The following ATP10B variants were observed in gnomAD, a reference collection of about 807,000 sequenced individuals.
The protein encoded by ATP10B is ATPase phospholipid transporting 10B (putative), also known as phospholipid-transporting ATPase VB.
Under a neutral mutation model 141.2 loss-of-function variants are expected in ATP10B, and 122 were observed. That is an observed-to-expected ratio of 0.86 (90% CI 0.75 to 1.00). ATP10B has a LOEUF of 1.00. Among genes scored for constraint, ATP10B ranks in the 50% least tolerant of loss-of-function variants. The probability of loss-of-function intolerance (pLI) is 0.00; values close to 1 mark genes in which losing one functional copy is unlikely to be tolerated. For missense variants in ATP10B, 1,876 were observed against 1,825.3 expected, an observed-to-expected ratio of 1.03 and a Z score of -0.51; for synonymous variants, 685 against 692.0, an observed-to-expected ratio of 0.99 and a Z score of 0.16.
At chr5:160,875,225 A>G in the ATP10B span, among the ~76,000 whole-genome samples, 1 of 84,214 alleles carries the variant, frequency 1.2e-5, no homozygotes, top group Non-Finnish European at 3.0e-5. Flanking sequence ...GTGGGGGCCA[A>G]TATTCAACAT....
chr5:160,699,223 G>T (rs1049618729), intron 3 of ATP10B, among the ~76,000 whole-genome samples: 1 of 152,328 alleles, frequency 6.6e-6, no homozygotes, highest in East Asian at 1.9e-4. Context: ...CAGGTAAAAT[G>T]AGATGCATAA....
intron 6 of ATP10B, chr5:160,684,950 T>C (rs1017139622): frequency 1.4e-6 from 1 of 703,374 alleles, no homozygotes. Context: ...ATTGGTATCA[T>C]GCTCACCTCA....
chr5:160,843,458 A>G (rs1775926519), intron 1 of ATP10B, among the ~76,000 whole-genome samples: 1 of 152,070 alleles, frequency 6.6e-6, no homozygotes, highest in Non-Finnish European at 1.5e-5. Context: ...GATGTCAACA[A>G]AGAGGAGTAT....
At chr5:160,612,098 A>G (rs1376403657) in intron 18 of ATP10B, 1 of 152,216 alleles carries the variant, frequency 6.6e-6, no homozygotes, top group East Asian at 1.9e-4. Context: ...TTCCAGTTGA[A>G]AAGTGCCATT....
rs75996749 is a variant in ATP10B, at chr5:160,588,532, A to C, written c.3750+1060T>G. On this transcript the variant is annotated intron_variant, in intron 24 of 25. Transcript: ENST00000327245. ...TGGCTAAGGACACATCTTTCTGTAA[A>C]GTGTTCCCTGTGTACCATTCAATCT... is the stretch of plus-strand genomic sequence containing the variant. 9.2e-3 allele frequency among the ~76,000 whole-genome samples: 1,396 copies of C among 152,296 alleles called. 21 individuals carry two copies. The highest frequency in any genetic ancestry group is 0.032 in the African/African-American group (1,337 of 41,552).
At chr5:160,751,993 C>CTATA (rs1768185180) in intron 2 of ATP10B, among the ~76,000 whole-genome samples, 1 of 152,104 alleles carries the variant, frequency 6.6e-6, no homozygotes, top group Admixed American at 6.5e-5. Context: ...CCCTAATTGG[C>CTATA]TATATGTGTA....
chr5:160,730,321 C>G (rs1460631628), intron 2 of ATP10B, among the ~76,000 whole-genome samples: 1 of 152,116 alleles, frequency 6.6e-6, no homozygotes, highest in Non-Finnish European at 1.5e-5. Context: ...TACCTGCTAC[C>G]TGCTGTCTCA....
At chr5:160,777,116 A>C (rs1475878181) in intron 2 of ATP10B, among the ~76,000 whole-genome samples, 25 of 152,216 alleles carry the variant, frequency 1.6e-4, no homozygotes, top group Non-Finnish European at 7.3e-5. Flanking sequence ...AATCCCAGTG[A>C]GGAAAGACGA....
chr5:160,653,077 G>A (rs7717997), intron 7 of ATP10B, among the ~76,000 whole-genome samples: 104,304 of 117,440 alleles, frequency 0.89, 46,461 homozygotes, highest in African/African-American at 0.96. Context: ...TGTATATATA[G>A]TGTATATATT....
At chr5:160,855,985 A>C (rs1753987923), upstream of ATP10B, among the ~76,000 whole-genome samples, 1 of 151,910 alleles carries the variant, frequency 6.6e-6, no homozygotes, top group African/African-American at 2.4e-5. Flanking sequence ...GACTATAATC[A>C]TATAAATCTT....
intron 1 of ATP10B, among the ~76,000 whole-genome samples, chr5:160,789,042 C>T (rs1225895356): frequency 1.3e-5 from 2 of 152,128 alleles, no homozygotes; most frequent in Non-Finnish European, 2.9e-5. Context: ...GAGAAGATAG[C>T]ATTTACATTT....
intron 2 of ATP10B, among the ~76,000 whole-genome samples, chr5:160,736,549 G>A (rs1767123741): frequency 6.6e-6 from 1 of 152,150 alleles, no homozygotes; most frequent in African/African-American, 2.4e-5. Context: ...GGATCATGAG[G>A]TCAGGAGTTC....
At chr5:160,748,435 A>G (rs567418657) in intron 2 of ATP10B, among the ~76,000 whole-genome samples, 3 of 152,292 alleles carry the variant, frequency 2.0e-5, no homozygotes, top group Admixed American at 6.5e-5. Context: ...GCATTTCCCA[A>G]TTAAAACCAA....
chr5:160,845,061 C>T (rs983408474), intron 1 of ATP10B, among the ~76,000 whole-genome samples: 1 of 152,090 alleles, frequency 6.6e-6, no homozygotes, highest in African/African-American at 2.4e-5. Flanking sequence ...TGCTTTTAAT[C>T]ACAGATACTC....
chr5:160,829,467 G>C (rs79927741), intron 1 of ATP10B, among the ~76,000 whole-genome samples: 3,636 of 152,114 alleles, frequency 0.024, 151 homozygotes, highest in African/African-American at 0.08. Context: ...TTTTAGAATA[G>C]TTTAGAATCG....
intron 12 of ATP10B, 103 bp downstream of exon 12, chr5:160,634,251 G>A: frequency 6.5e-7 from 1 of 1,535,756 alleles, no homozygotes; most frequent in Non-Finnish European, 9.0e-7. Flanking sequence ...ATGCCACACA[G>A]CCTCTAAGAG....
intron 1 of ATP10B, among the ~76,000 whole-genome samples, chr5:160,824,116 G>T (rs1329286763): frequency 1.3e-5 from 2 of 151,838 alleles, no homozygotes. Flanking sequence ...CCGCCTCCTG[G>T]GTTCACACCA....
At chr5:160,831,041 AT>A (rs1170945491) in intron 1 of ATP10B, among the ~76,000 whole-genome samples, 1 of 151,726 alleles carries the variant, frequency 6.6e-6, no homozygotes, top group East Asian at 1.9e-4. Flanking sequence ...AGACTTTGAA[AT>A]TGGGCAAGCT....
intron 2 of ATP10B, among the ~76,000 whole-genome samples, chr5:160,738,176 C>T (rs1767248253): frequency 6.6e-6 from 1 of 152,012 alleles, no homozygotes; most frequent in South Asian, 2.1e-4. Context: ...AAACAATCTA[C>T]TTCTAAATAA....
Sources: gnomAD v4.1 joint callset for allele counts (sites outside exome capture counted in the v4.1 genomes callset) on GRCh38, gnomAD v4.1.1 for gene constraint, MANE v1.5 for transcripts, NCBI Gene and HGNC (gene_info 2026-07-23, HGNC 2026-07-21) for gene names.